MRE11: variants seen among roughly 807,000 people sequenced by gnomAD.
MRE11 encodes the protein double-strand break repair protein MRE11.
A neutral mutation model predicts 91.7 loss-of-function variants in MRE11; 62 were observed. That is an observed-to-expected ratio of 0.68 (90% CI 0.55 to 0.84). MRE11 has a LOEUF of 0.84. MRE11 is among the 40% of genes least tolerant of loss of function. The probability of loss-of-function intolerance (pLI) is 0.00; values close to 1 mark genes in which losing one functional copy is unlikely to be tolerated. For missense variants in MRE11, 796 were observed against 852.9 expected (o/e 0.93, Z 0.83); for synonymous variants, 273 against 271.4 (o/e 1.01, Z -0.06).
At chr11:94,510,117 A>G in the MRE11 span, among the ~76,000 whole-genome samples, 1 of 152,144 alleles carries the variant, frequency 6.6e-6, no homozygotes, top group African/African-American at 2.4e-5. Flanking sequence ...GATACCAGTG[A>G]GGCTTTTTCT....
At chr11:94,503,208 C>G in the MRE11 span, among the ~76,000 whole-genome samples, 2 of 152,100 alleles carry the variant, frequency 1.3e-5, no homozygotes, top group African/African-American at 4.8e-5. Flanking sequence ...ACTTTATACT[C>G]ATTGAATAAC....
rs761706713 is a variant in MRE11, at chr11:94,429,898, A to G, written c.2070+13T>C. The G allele has an allele frequency of 6.3e-6, 10 of 1,598,616 alleles. No homozygotes were observed. In the South Asian group the frequency reaches 1.0e-4, roughly 16 times the overall value. On this transcript the variant is annotated intron_variant, in intron 19 of 19. Transcript: ENST00000323929. ...TAAAAATTAATTAAAATTTAACAAT[A>G]TTACTTATTTACCTCACTTGATTCA...
intron 16 of MRE11, among the ~76,000 whole-genome samples, chr11:94,438,522 T>TC (rs1466569213): frequency 6.6e-6 from 1 of 152,140 alleles, no homozygotes; most frequent in Non-Finnish European, 1.5e-5. Context: ...GAATAAAAAA[T>TC]CCAGTGATCA....
At chr11:94,493,076 A>C (rs1365797163) in intron 1 of MRE11, among the ~76,000 whole-genome samples, 170 bp from the exon 2 acceptor site, 1 of 152,166 alleles carries the variant, frequency 6.6e-6, no homozygotes, top group Non-Finnish European at 1.5e-5. Context: ...TGAGCATAGA[A>C]AATAATATAT....
At chr11:94,440,660 T>C (rs1945755963) in intron 16 of MRE11, among the ~76,000 whole-genome samples, 1 of 152,218 alleles carries the variant, frequency 6.6e-6, no homozygotes, top group South Asian at 2.1e-4. Flanking sequence ...TGCATTTCCC[T>C]TCCTAAGGTG....
At chr11:94,457,759 T>G (rs952432239) in intron 13 of MRE11, among the ~76,000 whole-genome samples, 5 of 152,030 alleles carry the variant, frequency 3.3e-5, no homozygotes, top group African/African-American at 1.2e-4. Flanking sequence ...GAGGGATAGG[T>G]GGGTTTAGAT....
intron 19 of MRE11, among the ~76,000 whole-genome samples, chr11:94,428,863 CA>C (rs1209474605): frequency 1.5e-4 from 20 of 137,166 alleles, no homozygotes; most frequent in South Asian, 2.3e-4. Context: ...AACTCCATGT[CA>C]AAAAAAAAAG....
chr11:94,510,563 C>G, the MRE11 span, among the ~76,000 whole-genome samples: 485 of 152,216 alleles, frequency 3.2e-3, 4 homozygotes, highest in African/African-American at 0.011. Context: ...TTTTTGCTTT[C>G]AAATTATATA....
chr11:94,511,323 A>C, the MRE11 span, among the ~76,000 whole-genome samples: 169 of 152,320 alleles, frequency 1.1e-3, no homozygotes, highest in African/African-American at 3.8e-3. Context: ...GCTTCACCAG[A>C]AGCCAAGCAG....
chr11:94,431,229 G>A (rs1468150388), intron 18 of MRE11, among the ~76,000 whole-genome samples: 1 of 152,128 alleles, frequency 6.6e-6, no homozygotes, highest in Non-Finnish European at 1.5e-5. Context: ...TTGCACTAAA[G>A]GAAAGGACAG....
At chr11:94,501,431 G>C in the MRE11 span, among the ~76,000 whole-genome samples, 22 of 152,210 alleles carry the variant, frequency 1.4e-4, no homozygotes, top group African/African-American at 4.1e-4. Context: ...AAAATCGTAA[G>C]AGCCATATTA....
intron 18 of MRE11, 107 bp downstream of exon 18, chr11:94,435,725 A>C: frequency 1.1e-6 from 1 of 914,748 alleles, no homozygotes; most frequent in Non-Finnish European, 1.8e-6. Flanking sequence ...CTAGTTGAAA[A>C]TAAGTCTGTT....
At chr11:94,451,739 A>G (rs943809788) in intron 14 of MRE11, among the ~76,000 whole-genome samples, 1 of 152,192 alleles carries the variant, frequency 6.6e-6, no homozygotes, top group African/African-American at 2.4e-5. Context: ...AGAACCATGT[A>G]ATCACCAATC....
chr11:94,487,417 T>C (rs12283052), intron 3 of MRE11, among the ~76,000 whole-genome samples: 224 of 152,346 alleles, frequency 1.5e-3, no homozygotes, highest in African/African-American at 5.1e-3. Flanking sequence ...ATACCACTTA[T>C]AGCCAATTTG....
the MRE11 span, among the ~76,000 whole-genome samples, chr11:94,504,560 T>C: frequency 6.6e-6 from 1 of 152,198 alleles, no homozygotes; most frequent in South Asian, 2.1e-4. Context: ...AGTTACTATA[T>C]AAGAAGGATT....
At chr11:94,501,546 T>C in the MRE11 span, among the ~76,000 whole-genome samples, 1 of 152,168 alleles carries the variant, frequency 6.6e-6, no homozygotes, top group Admixed American at 6.5e-5. Flanking sequence ...CAGTAAGTCT[T>C]CAAAATACAG....
At chr11:94,444,365 C>A (rs1438045215) in intron 16 of MRE11, among the ~76,000 whole-genome samples, 2 of 152,096 alleles carry the variant, frequency 1.3e-5, no homozygotes, top group African/African-American at 4.8e-5. Flanking sequence ...GCTTGTCCAA[C>A]CCACCTCATT....
Position 94,416,689 on chromosome 11 carries a change from CA to C in MRE11, c.*3435del, listed in dbSNP as rs1204954166. ...AAAAACCCTGTCTCTACTAAAAATACAAAAAAAAAAAAAAAAAAATTAGCCA... is the reference window on the plus strand; with the variant it reads ...AAAAACCCTGTCTCTACTAAAAATACAAAAAAAAAAAAAAAAAATTAGCCA... On this transcript the variant is annotated 3_prime_UTR_variant, in exon 20 of 20. Transcript: ENST00000323929. 37,414 of 96,656 alleles carry C rather than the reference CA, an allele frequency of 0.39. 5,353 individuals carry two copies. The highest frequency in any genetic ancestry group is 0.47 in the African/African-American group (12,547 of 26,792). 6.0% of individuals were successfully genotyped at this position (96,656 alleles called of 1,614,324 possible). A position where few individuals can be genotyped will look rare whatever the true frequency, so the allele number is the denominator to read the frequency against.
intron 18 of MRE11, among the ~76,000 whole-genome samples, chr11:94,435,348 A>T (rs1376130125): frequency 1.3e-5 from 2 of 152,166 alleles, no homozygotes; most frequent in African/African-American, 4.8e-5. Context: ...TGAGCTCAGG[A>T]GTTCAAGACC....
Sources: gnomAD v4.1 joint callset for allele counts (sites outside exome capture counted in the v4.1 genomes callset) on GRCh38, gnomAD v4.1.1 for gene constraint, MANE v1.5 for transcripts, NCBI Gene and HGNC (gene_info 2026-07-23, HGNC 2026-07-21) for gene names.